The following SMARCD1 variants were observed in gnomAD, a reference collection of about 807,000 sequenced individuals.
SMARCD1 encodes the protein SWI/SNF-related matrix-associated actin-dependent regulator of chromatin subfamily D member 1.
A neutral mutation model predicts 70.8 loss-of-function variants in SMARCD1; 16 were observed. That is an observed-to-expected ratio of 0.23 (90% CI 0.15 to 0.34). The LOEUF (loss-of-function observed/expected upper bound fraction) is 0.34. SMARCD1 is among the 10% of genes least tolerant of loss of function. The pLI, the probability that SMARCD1 is intolerant of heterozygous loss-of-function variation, is 1.00. For missense variants in SMARCD1, 409 were observed against 655.5 expected, an observed-to-expected ratio of 0.62 and a Z score of 4.11; for synonymous variants, 249 against 246.0, an observed-to-expected ratio of 1.01 and a Z score of -0.11.
chr12:50,088,140 A>G (rs1243084751), intron 5 of SMARCD1: 3 of 654,210 alleles, frequency 4.6e-6, no homozygotes, highest in East Asian at 2.8e-5. Flanking sequence ...TGGTGGTGTC[A>G]TTCTGTCCAA....
rs539938073 is a variant in SMARCD1, at chr12:50,097,551, C to CA, written c.1392+587dup. ...TGGGTGACAGAGCGAAACTCTGTCT[C>CA]AAAAAAAAGAAACTAGGCTAGTATG... On this transcript the variant is annotated intron_variant, in intron 11 of 12. Coordinates refer to ENST00000394963, the MANE Select transcript of SMARCD1 (RefSeq NM_003076.5). 2.1e-4 allele frequency among the ~76,000 whole-genome samples: 31 copies of CA among 149,690 alleles called. No homozygotes were observed. The South Asian group carries it at 3.8e-3, about 18-fold the overall frequency.
In SMARCD1 at chr12:50,085,364, G is replaced by A. The variant is rs968370745; in HGVS notation, c.-6G>A. 2 of 1,263,590 alleles carry A rather than the reference G, an allele frequency of 1.6e-6. No homozygotes were observed. The highest frequency in any genetic ancestry group is 7.3e-5 in the South Asian group (2 of 27,412). 78.3% of individuals were successfully genotyped at this position (1,263,590 alleles called of 1,614,324 possible). A position where few individuals can be genotyped will look rare whatever the true frequency, so the allele number is the denominator to read the frequency against. ...TTTGTGCGGCTGCATCGGCGGCTCC[G>A]GGAAGATGGCGGCCCGGGCGGGTTT... is the stretch of plus-strand genomic sequence containing the variant. On this transcript the variant is annotated 5_prime_UTR_variant, in exon 1 of 13. Coordinates refer to ENST00000394963, the MANE Select transcript of SMARCD1 (RefSeq NM_003076.5).
In SMARCD1 at chr12:50,099,590, GC is replaced by G. The variant is rs1340664589; in HGVS notation, c.*592del. 2.8e-6 allele frequency: 1 copy of G among 357,478 alleles called. No individual in the cohort carries two copies. The highest frequency in any genetic ancestry group is 5.0e-6 in the Non-Finnish European group (1 of 199,958). 22.1% of individuals were successfully genotyped at this position (357,478 alleles called of 1,614,324 possible). On this transcript the variant is annotated 3_prime_UTR_variant, in exon 13 of 13. Transcript: ENST00000394963. The stretch of plus-strand genomic sequence containing the variant: ...GGTCAGTCCCCAGCCCTCTGGGTTG[GC>G]CTGCTGTCAGTGCTTCTCTCACTCC...
chr12:50,085,989 ACT>A (rs1950785249), intron 1 of SMARCD1, 170 bp from the exon 2 acceptor site: 2 of 441,166 alleles, frequency 4.5e-6, no homozygotes, highest in East Asian at 6.7e-5. Context: ...TAGCTTTTGG[ACT>A]CTGTTTTTCT....
intron 9 of SMARCD1, among the ~76,000 whole-genome samples, chr12:50,092,330 TCTC>T (rs1424464462): frequency 5.4e-5 from 8 of 147,024 alleles, no homozygotes. Context: ...TTCAAGCGAT[TCTC>T]CTGCCTCAGC....
chr12:50,085,641 C>T, intron 1 of SMARCD1, 95 bp downstream of exon 1: 1 of 909,478 alleles, frequency 1.1e-6, no homozygotes, highest in African/African-American at 1.8e-5. Context: ...GGAGGGACTC[C>T]CTTGGGAGGG....
At chr12:50,092,834 C>A (rs954720298) in intron 9 of SMARCD1, among the ~76,000 whole-genome samples, 1 of 151,896 alleles carries the variant, frequency 6.6e-6, no homozygotes, top group African/African-American at 2.4e-5. Context: ...TCCTGGAGTT[C>A]GAGTCCAGCC....
chr12:50,090,119 G>C, intron 7 of SMARCD1, 122 bp from the exon 8 acceptor site: 1 of 1,309,832 alleles, frequency 7.6e-7, no homozygotes, highest in Non-Finnish European at 1.1e-6. Context: ...TCATCTCTGA[G>C]TTCTTCCTAG....
Position 50,099,236 on chromosome 12 carries a change from T to C in SMARCD1, c.*236T>C. 1 of 609,520 alleles carries C rather than the reference T, an allele frequency of 1.6e-6. No individual in the cohort carries two copies. Among genetic ancestry groups the C allele is most frequent in the Non-Finnish European group, 2.9e-6 (1 of 342,580 alleles). 37.8% of individuals were successfully genotyped at this position (609,520 alleles called of 1,614,324 possible). On this transcript the variant is annotated 3_prime_UTR_variant, in exon 13 of 13. Transcript: ENST00000394963. ...ACAAAGTTCCCATGTGCCTGTACCC[T>C]CCCCTGGTCTACATAGGACCTCTAG...
At position 50,088,532 on chromosome 12, in the gene SMARCD1, C is replaced by G; in HGVS notation, c.666C>G (p.Ser222=). ...EGRLLEDSAL[S]KYDATKQKRK... Reference sequence around the variant, plus strand: ...TTTCTCTCCTCTAGTCAGCCTTGTCCAAATATGATGCCACTAAACAAAAGA... The same window carrying G: ...TTTCTCTCCTCTAGTCAGCCTTGTCGAAATATGATGCCACTAAACAAAAGA... The change falls in exon 6 of 13, where the codon TCC becomes TCG. Residue 222 remains serine, a synonymous_variant. Coordinates refer to ENST00000394963, the MANE Select transcript of SMARCD1 (RefSeq NM_003076.5). The G allele has an allele frequency of 6.3e-7, 1 of 1,593,412 alleles. No individual in the cohort carries two copies. The highest frequency in any genetic ancestry group is 8.6e-7 in the Non-Finnish European group (1 of 1,165,760).
In SMARCD1 at chr12:50,091,574, C is replaced by CTTTTG. The variant is rs762795908; in HGVS notation, c.1133+1000_1133+1004dup. Among the ~76,000 whole-genome samples the CTTTTG allele has an allele frequency of 7.5e-4, 111 of 148,442 alleles. 1 individual carries two copies. The highest frequency in any genetic ancestry group is 1.8e-3 in the African/African-American group (74 of 40,196). On this transcript the variant is annotated intron_variant, in intron 9 of 12. Coordinates refer to ENST00000394963, the MANE Select transcript of SMARCD1 (RefSeq NM_003076.5). ...ACAGGCGTGAGCCACCGCGCCCGGCCTTTTGTTTTGTTTTGTTTTGAGATG... is the reference window on the plus strand; with the variant it reads ...ACAGGCGTGAGCCACCGCGCCCGGCCTTTTGTTTTGTTTTGTTTTGTTTTGAGATG...
At chr12:50,089,808 G>A (rs950574718) in intron 6 of SMARCD1, 76 bp from the exon 7 acceptor site, 2 of 1,025,348 alleles carry the variant, frequency 2.0e-6, no homozygotes, top group Admixed American at 1.9e-5. Context: ...TGAATATTCA[G>A]TCATTACAGA....
intron 9 of SMARCD1, among the ~76,000 whole-genome samples, chr12:50,091,652 C>T (rs1950844777): frequency 6.6e-6 from 1 of 152,090 alleles, no homozygotes; most frequent in Non-Finnish European, 1.5e-5. Context: ...TCTCAGCTCA[C>T]TGAAACCTCC....
chr12:50,092,333 C>T (rs1460570884), intron 9 of SMARCD1, among the ~76,000 whole-genome samples: 1 of 143,354 alleles, frequency 7.0e-6, no homozygotes, highest in Non-Finnish European at 1.5e-5. Context: ...AAGCGATTCT[C>T]CTGCCTCAGC....
At chr12:50,094,012 A>T (rs1045718037) in intron 9 of SMARCD1, among the ~76,000 whole-genome samples, 1 of 152,036 alleles carries the variant, frequency 6.6e-6, no homozygotes, top group African/African-American at 2.4e-5. Flanking sequence ...TGGCCTCCCA[A>T]AGTGCTGGGA....
At chr12:50,095,247 T>C (rs538306220) in intron 10 of SMARCD1, among the ~76,000 whole-genome samples, 1 of 152,350 alleles carries the variant, frequency 6.6e-6, no homozygotes, top group South Asian at 2.1e-4. Context: ...ACGCAGTCCT[T>C]GCAAATAAAG....
intron 7 of SMARCD1, 79 bp from the exon 8 acceptor site, chr12:50,090,162 T>G: frequency 6.9e-7 from 1 of 1,441,404 alleles, no homozygotes; most frequent in South Asian, 1.3e-5. Context: ...CACTACATTA[T>G]TTGTTGAATA....
intron 5 of SMARCD1, 170 bp from the exon 6 acceptor site, chr12:50,088,351 A>G: frequency 1.4e-6 from 1 of 697,386 alleles, no homozygotes; most frequent in Non-Finnish European, 2.6e-6. Flanking sequence ...TGCTACTATG[A>G]TTGGTTTAAT....
intron 5 of SMARCD1, among the ~76,000 whole-genome samples, chr12:50,087,691 C>G (rs536222286): frequency 7.2e-5 from 11 of 152,230 alleles, no homozygotes; most frequent in African/African-American, 2.4e-4. Context: ...ATATGGAGAA[C>G]CTTATTGTCC....
Sources: allele counts gnomAD v4.1 joint callset (sites outside exome capture counted in the v4.1 genomes callset), GRCh38; gene constraint gnomAD v4.1.1; transcripts MANE v1.5; gene names NCBI Gene and HGNC (gene_info 2026-07-23, HGNC 2026-07-21).